Variants in PTPRD observed in about 807,000 individuals in gnomAD.
The protein encoded by PTPRD is receptor-type tyrosine-protein phosphatase delta.
PTPRD carries 34 observed loss-of-function variants against 214.5 expected under a neutral mutation model. The ratio of observed to expected loss-of-function variants is 0.16; its 90% CI spans 0.12 to 0.21. The LOEUF (loss-of-function observed/expected upper bound fraction) is 0.21, where lower values mean the gene tolerates loss of function less well. Among genes scored for constraint, PTPRD ranks in the 10% least tolerant of loss-of-function variants. PTPRD has a pLI of 1.00. For missense variants in PTPRD, 2,545 were observed against 2,398.7 expected, an observed-to-expected ratio of 1.06 and a Z score of -1.27; for synonymous variants, 1,128 against 845.7, an observed-to-expected ratio of 1.33 and a Z score of -5.79.
intron 4 of PTPRD, among the ~76,000 whole-genome samples, chr9:9,973,279 A>G (rs2095214696): frequency 6.7e-6 from 1 of 149,922 alleles, no homozygotes; most frequent in Non-Finnish European, 1.5e-5. Context: ...CCTAAGCAAC[A>G]TAGTGGTGAG....
chr9:9,670,600 T>C (rs1351523130), intron 7 of PTPRD, among the ~76,000 whole-genome samples: 2 of 152,182 alleles, frequency 1.3e-5, no homozygotes, highest in Admixed American at 1.3e-4. Flanking sequence ...AATGGTTCTG[T>C]GGGCCTGGCC....
chr9:8,771,428 G>C (rs895437380), intron 11 of PTPRD, among the ~76,000 whole-genome samples: 15 of 152,108 alleles, frequency 9.9e-5, no homozygotes, highest in African/African-American at 3.1e-4. Context: ...TCTAACAGTA[G>C]TGCTTTGTGT....
chr9:9,174,483 A>C (rs1163336466), intron 10 of PTPRD, among the ~76,000 whole-genome samples: 1 of 152,142 alleles, frequency 6.6e-6, no homozygotes, highest in Non-Finnish European at 1.5e-5. Context: ...TGTTATTCCA[A>C]ATGTGTGCAT....
At chr9:8,512,170 T>C (rs993284538) in intron 21 of PTPRD, among the ~76,000 whole-genome samples, 12 of 152,158 alleles carry the variant, frequency 7.9e-5, no homozygotes, top group South Asian at 2.1e-4. Flanking sequence ...ATCTAGCATA[T>C]TGATAAATGA....
chr9:8,331,799 AC>A, intron 43 of PTPRD, 63 bp from the exon 44 acceptor site: 1 of 1,497,332 alleles, frequency 6.7e-7, no homozygotes, highest in Non-Finnish European at 8.9e-7. Flanking sequence ...CAGCAAGCAT[AC>A]GGACCACAAG....
chr9:8,757,034 C>T (rs149066761), intron 11 of PTPRD, among the ~76,000 whole-genome samples: 1,637 of 152,094 alleles, frequency 0.011, 29 homozygotes, highest in African/African-American at 0.037. Flanking sequence ...CCCAGCTACT[C>T]GGGAGGCTGA....
intron 7 of PTPRD, among the ~76,000 whole-genome samples, chr9:9,575,743 A>G (rs867758415): frequency 4.0e-4 from 55 of 136,874 alleles, no homozygotes; most frequent in African/African-American, 5.2e-4. Context: ...AAAAAAAAAA[A>G]AAAGAAAGAA....
chr9:9,941,278 T>C (rs1415145992), intron 4 of PTPRD, among the ~76,000 whole-genome samples: 9 of 152,144 alleles, frequency 5.9e-5, no homozygotes, highest in Non-Finnish European at 1.0e-4. Context: ...CAAAAGGTGG[T>C]TCACAGCCAG....
chr9:8,689,359 G>A (rs1239536437), intron 12 of PTPRD, among the ~76,000 whole-genome samples: 1 of 152,162 alleles, frequency 6.6e-6, no homozygotes, highest in African/African-American at 2.4e-5. Context: ...GTTAATCTGT[G>A]GCACCACAGT....
rs577320667 is a variant in PTPRD at position 9,629,277 on chromosome 9, G to T, written c.-286-54496C>A. 4.9e-5 allele frequency among the ~76,000 whole-genome samples: 7 copies of T among 142,082 alleles called. No individual in the cohort carries two copies. The South Asian group carries it at 1.5e-3, about 31-fold the overall frequency. 93.2% of individuals were successfully genotyped at this position (142,082 alleles called of 152,430 possible). On this transcript the variant is annotated intron_variant, in intron 7 of 45. Transcript: ENST00000381196. ...ATATATGAACACTTTATGTATGTAT[G>T]TATATATGTGTATATATATATTATA...
intron 9 of PTPRD, among the ~76,000 whole-genome samples, chr9:9,322,374 A>G (rs1015066977): frequency 3.9e-5 from 6 of 152,198 alleles, no homozygotes; most frequent in African/African-American, 1.2e-4. Context: ...TGAGAAGAGT[A>G]TATTCATTAT....
At chr9:8,319,556 G>T (rs1825247068) in intron 45 of PTPRD, among the ~76,000 whole-genome samples, 1 of 151,762 alleles carries the variant, frequency 6.6e-6, no homozygotes, top group African/African-American at 2.4e-5. Context: ...CGAATTTTAT[G>T]AAATTGCCAT....
Position 8,548,240 on chromosome 9 carries a change from G to A in PTPRD, c.353-19461C>T, listed in dbSNP as rs72696638. Among the ~76,000 whole-genome samples the A allele has an allele frequency of 2.2e-3, 328 of 152,246 alleles. 1 individual carries two copies. The highest frequency in any genetic ancestry group is 4.0e-3 in the Non-Finnish European group (271 of 68,016). ...TCACTGCTTGAATGCTTTTGTTTGC[G>A]GACAGGGGTAGGAAGACAGTGTGCA... On this transcript the variant is annotated intron_variant, in intron 14 of 45. Transcript: ENST00000381196.
intron 5 of PTPRD, among the ~76,000 whole-genome samples, chr9:9,861,273 T>C (rs2062705937): frequency 6.6e-6 from 1 of 151,946 alleles, no homozygotes; most frequent in African/African-American, 2.4e-5. Context: ...AAATAGTTAT[T>C]TTATTTTATT....
At chr9:9,326,610 T>A (rs2040026864) in intron 9 of PTPRD, among the ~76,000 whole-genome samples, 2 of 151,788 alleles carry the variant, frequency 1.3e-5, no homozygotes, top group Non-Finnish European at 2.9e-5. Context: ...TAAAACAATG[T>A]TTAAATAAAA....
intron 8 of PTPRD, among the ~76,000 whole-genome samples, chr9:9,528,234 A>C (rs1482172693): frequency 6.6e-6 from 1 of 152,212 alleles, no homozygotes; most frequent in Non-Finnish European, 1.5e-5. Context: ...TGTATTCATG[A>C]GAGAAAACTA....
At chr9:10,479,656 A>AATACATAAATACATAT (rs2099084918) in intron 2 of PTPRD, among the ~76,000 whole-genome samples, 2 of 147,568 alleles carry the variant, frequency 1.4e-5, no homozygotes, top group Admixed American at 1.4e-4. Context: ...TAAATAAATA[A>AATACATAAATACATAT]ATAAACAAAA....
chr9:9,868,978 A>G (rs900648300), intron 5 of PTPRD, among the ~76,000 whole-genome samples: 4 of 152,158 alleles, frequency 2.6e-5, no homozygotes, highest in African/African-American at 7.2e-5. Flanking sequence ...TTCAGGGACT[A>G]TATCATTCAC....
intron 11 of PTPRD, among the ~76,000 whole-genome samples, chr9:8,823,955 A>G (rs1243599067): frequency 1.3e-5 from 2 of 152,190 alleles, no homozygotes; most frequent in African/African-American, 4.8e-5. Context: ...TGGATTATTC[A>G]TGTCTTCCCT....
Sources: gnomAD v4.1 joint callset for allele counts (sites outside exome capture counted in the v4.1 genomes callset) on GRCh38, gnomAD v4.1.1 for gene constraint, MANE v1.5 for transcripts, NCBI Gene and HGNC (gene_info 2026-07-23, HGNC 2026-07-21) for gene names.